PTPRM: variants seen among roughly 807,000 people sequenced by gnomAD.
The protein encoded by PTPRM is receptor-type tyrosine-protein phosphatase mu.
A neutral mutation model predicts 186.7 loss-of-function variants in PTPRM; 47 were observed. That is an observed-to-expected ratio of 0.25 (90% confidence interval 0.20 to 0.32). PTPRM has a LOEUF of 0.32. Among genes scored for constraint, PTPRM ranks in the 10% least tolerant of loss-of-function variants. The probability of loss-of-function intolerance (pLI) is 1.00; values close to 1 mark genes in which losing one functional copy is unlikely to be tolerated. For missense variants in PTPRM, 1,494 were observed against 1,865.0 expected (o/e 0.80, Z 3.66); for synonymous variants, 668 against 674.9 (o/e 0.99, Z 0.16).
chr18:8,369,698 G>A (rs2095652566), intron 23 of PTPRM, among the ~76,000 whole-genome samples: 1 of 152,234 alleles, frequency 6.6e-6, no homozygotes, highest in Non-Finnish European at 1.5e-5. Context: ...GCCCATGCCT[G>A]TAACCTCAAC....
chr18:7,973,716 T>A (rs1399140358), intron 7 of PTPRM, among the ~76,000 whole-genome samples: 6 of 152,140 alleles, frequency 3.9e-5, no homozygotes, highest in African/African-American at 1.4e-4. Context: ...CAATTATATC[T>A]TTTAGGGCTA....
At position 8,386,930 on chromosome 18, in the gene PTPRM, C is replaced by T. The variant is rs1017450766; in HGVS notation, c.4045-142C>T. On this transcript the variant is annotated intron_variant, in intron 30 of 32. Coordinates refer to ENST00000580170, the MANE Select transcript of PTPRM (RefSeq NM_001105244.2). ...GATTAAAAACCATAACTCTTCAGGC[C>T]AGCAGAAGCCACGTTGGTAATTTGT... 1.1e-5 allele frequency: 9 copies of T among 855,100 alleles called. No individual in the cohort carries two copies. In the African/African-American group the frequency reaches 1.2e-4, roughly 11 times the overall value. The allele number at this position is 855,100 out of a possible 1,614,324, so 53.0% of individuals were successfully genotyped here. A position where few individuals can be genotyped will look rare whatever the true frequency, so the allele number is the denominator to read the frequency against.
At chr18:7,929,762 C>G (rs1204912589) in intron 5 of PTPRM, among the ~76,000 whole-genome samples, 1 of 152,128 alleles carries the variant, frequency 6.6e-6, no homozygotes, top group East Asian at 1.9e-4. Flanking sequence ...CCTTCCTGCC[C>G]TCTTGCCCAG....
intron 1 of PTPRM, among the ~76,000 whole-genome samples, chr18:7,595,240 G>A (rs1305807672): frequency 4.6e-5 from 7 of 152,212 alleles, no homozygotes; most frequent in African/African-American, 1.7e-4. Flanking sequence ...CATGCCTGGA[G>A]TATTTTGGAA....
intron 10 of PTPRM, among the ~76,000 whole-genome samples, chr18:8,088,086 G>C (rs1033151783): frequency 6.6e-6 from 1 of 152,112 alleles, no homozygotes; most frequent in Non-Finnish European, 1.5e-5. Flanking sequence ...GATAATAAAC[G>C]TAGAGGGTAG....
intron 7 of PTPRM, among the ~76,000 whole-genome samples, chr18:8,057,425 C>CTTTTTTTTTTTTTTTTTTTTTTATTTTT (rs2088080737): frequency 9.8e-6 from 1 of 102,562 alleles, no homozygotes; most frequent in Non-Finnish European, 1.9e-5. Flanking sequence ...TGTGATACTT[C>CTTTTTTTTTTTTTTTTTTTTTTATTTTT]TTTTTTTTTT....
chr18:8,229,001 T>G (rs2094251394), intron 14 of PTPRM, among the ~76,000 whole-genome samples: 1 of 152,076 alleles, frequency 6.6e-6, no homozygotes, highest in African/African-American at 2.4e-5. Context: ...GTGAGAGTCG[T>G]CACCAAGCCC....
At chr18:7,717,392 G>C (rs995107854) in intron 1 of PTPRM, among the ~76,000 whole-genome samples, 1 of 152,124 alleles carries the variant, frequency 6.6e-6, no homozygotes, top group Non-Finnish European at 1.5e-5. Flanking sequence ...GGCTGGACTT[G>C]AGGGAAAGAT....
At chr18:7,942,297 A>T (rs1013864579) in intron 5 of PTPRM, among the ~76,000 whole-genome samples, 8 of 152,010 alleles carry the variant, frequency 5.3e-5, no homozygotes, top group African/African-American at 1.7e-4. Context: ...AAAAAAAAAA[A>T]AATATTTAAT....
At chr18:7,846,673 C>T (rs965896053) in intron 2 of PTPRM, among the ~76,000 whole-genome samples, 1 of 152,142 alleles carries the variant, frequency 6.6e-6, no homozygotes, top group African/African-American at 2.4e-5. Context: ...ACCTGATTTG[C>T]CTAGGGAAGC....
intron 18 of PTPRM, 94 bp downstream of exon 18, chr18:8,252,593 C>A: frequency 8.5e-7 from 1 of 1,176,996 alleles, no homozygotes; most frequent in South Asian, 1.2e-5. Context: ...TGGTGCTGCT[C>A]TGTGCTGGCC....
chr18:7,597,276 C>T (rs1207671642), intron 1 of PTPRM, among the ~76,000 whole-genome samples: 1 of 152,168 alleles, frequency 6.6e-6, no homozygotes, highest in Non-Finnish European at 1.5e-5. Context: ...TCATGGAAGA[C>T]CTCCAGAGGC....
At chr18:8,018,231 A>G in intron 7 of PTPRM, 1 of 152,250 alleles carries the variant, frequency 6.6e-6, no homozygotes, top group Non-Finnish European at 1.5e-5. Context: ...GGAGTGTGCC[A>G]TGATTGTGCC....
Position 8,250,007 on chromosome 18 carries a change from G to GAA in PTPRM, c.2554+1832_2554+1833dup, listed in dbSNP as rs557157105. On this transcript the variant is annotated intron_variant, in intron 17 of 32. Transcript: ENST00000580170. Reference sequence around the variant, plus strand: ...GGTGAGGTTAGCACTTGAAACCACGGAAGAATTTAAGATATATATATCTAC... The same window carrying GAA: ...GGTGAGGTTAGCACTTGAAACCACGGAAAAGAATTTAAGATATATATATCTAC... Among the ~76,000 whole-genome samples the GAA allele has an allele frequency of 3.9e-4, 60 of 152,260 alleles. 1 individual carries two copies. The highest frequency in any genetic ancestry group is 2.9e-3 in the Admixed American group (44 of 15,286).
chr18:8,068,438 A>C (rs1228230446), intron 7 of PTPRM, among the ~76,000 whole-genome samples: 1 of 152,212 alleles, frequency 6.6e-6, no homozygotes, highest in Non-Finnish European at 1.5e-5. Context: ...TTATTTATGT[A>C]GTAGTATTTA....
intron 1 of PTPRM, among the ~76,000 whole-genome samples, chr18:7,664,743 G>T (rs1437209963): frequency 1.3e-5 from 2 of 152,122 alleles, no homozygotes; most frequent in African/African-American, 4.8e-5. Flanking sequence ...TTTTGTTGAG[G>T]GAATCACAAG....
At chr18:7,900,158 G>C (rs1478584831) in intron 3 of PTPRM, among the ~76,000 whole-genome samples, 1 of 152,252 alleles carries the variant, frequency 6.6e-6, no homozygotes, top group East Asian at 1.9e-4. Context: ...AGGCTTTACA[G>C]TCCAAACGCT....
chr18:8,378,518 C>G (rs980268483), intron 27 of PTPRM, 104 bp downstream of exon 27: 8 of 1,376,254 alleles, frequency 5.8e-6, no homozygotes, highest in Non-Finnish European at 7.9e-6. Context: ...GTTCCTTGGC[C>G]TCCATAGCAC....
At chr18:7,920,130 G>A (rs2050777128) in intron 4 of PTPRM, among the ~76,000 whole-genome samples, 1 of 151,936 alleles carries the variant, frequency 6.6e-6, no homozygotes, top group South Asian at 2.1e-4. Context: ...TTGTGTCTTG[G>A]TTTTTTATAT....
Sources: allele counts gnomAD v4.1 joint callset (sites outside exome capture counted in the v4.1 genomes callset), GRCh38; gene constraint gnomAD v4.1.1; transcripts MANE v1.5; gene names NCBI Gene and HGNC (gene_info 2026-07-23, HGNC 2026-07-21).